Variants in SLC16A12 observed in about 807,000 individuals in gnomAD.
SLC16A12 encodes monocarboxylate transporter 12.
Under a neutral mutation model 42.4 loss-of-function variants are expected in SLC16A12, and 17 were observed. That is an observed-to-expected ratio of 0.40 (90% CI 0.27 to 0.60). The LOEUF is 0.60. Ranked by LOEUF, SLC16A12 falls within the 20% of genes least tolerant of loss-of-function variation. The pLI is 0.42. For synonymous variants in SLC16A12, 224 were observed against 229.4 expected (o/e 0.98, Z 0.21); for missense variants, 544 against 623.0 (o/e 0.87, Z 1.35).
At chr10:89,539,283 C>A (rs1266165042), upstream of SLC16A12, among the ~76,000 whole-genome samples, 1 of 152,182 alleles carries the variant, frequency 6.6e-6, no homozygotes, top group Non-Finnish European at 1.5e-5. Flanking sequence ...GTCAGCTGAT[C>A]TGGTACCTCC....
intron 2 of SLC16A12, among the ~76,000 whole-genome samples, chr10:89,487,629 C>T (rs1253580070): frequency 6.8e-6 from 1 of 146,888 alleles, no homozygotes; most frequent in Non-Finnish European, 1.5e-5. Context: ...GGAGAAACCC[C>T]ACTTTTACTA....
chr10:89,486,656 AAAGAAAG>A (rs1842756375), intron 2 of SLC16A12, among the ~76,000 whole-genome samples: 1 of 115,370 alleles, frequency 8.7e-6, no homozygotes, highest in Admixed American at 7.9e-5. Context: ...AGAAAGAAAG[AAAGAAAG>A]AAAAGAAAGA....
intron 2 of SLC16A12, among the ~76,000 whole-genome samples, chr10:89,495,833 A>G (rs1244486939): frequency 6.6e-6 from 1 of 152,210 alleles, no homozygotes; most frequent in Non-Finnish European, 1.5e-5. Context: ...TTGTCTTACT[A>G]CATATCACTA....
intron 2 of SLC16A12, among the ~76,000 whole-genome samples, chr10:89,479,479 A>G (rs1287229990): frequency 2.0e-5 from 3 of 152,194 alleles, no homozygotes; most frequent in Non-Finnish European, 2.9e-5. Flanking sequence ...TTGCAACCCT[A>G]CTTGGCTAGT....
At chr10:89,476,126 T>G (rs303201) in intron 2 of SLC16A12, among the ~76,000 whole-genome samples, 77,170 of 152,038 alleles carry the variant, frequency 0.51, 19,867 homozygotes, top group Non-Finnish European at 0.54. Context: ...GTGCCTTGTA[T>G]AACTCTTTTA....
intron 3 of SLC16A12, among the ~76,000 whole-genome samples, chr10:89,450,092 T>C (rs1207530536): frequency 6.6e-6 from 1 of 152,178 alleles, no homozygotes; most frequent in East Asian, 1.9e-4. Flanking sequence ...ATGGCCATCA[T>C]TAAAAAGTCA....
At chr10:89,460,335 C>A (rs1432436549) in intron 3 of SLC16A12, among the ~76,000 whole-genome samples, 4 of 152,106 alleles carry the variant, frequency 2.6e-5, no homozygotes, top group Non-Finnish European at 5.9e-5. Flanking sequence ...ATAATCTAGA[C>A]TTCTTAATGT....
chr10:89,435,149 G>T (rs1841757617), intron 7 of SLC16A12, among the ~76,000 whole-genome samples: 1 of 152,176 alleles, frequency 6.6e-6, no homozygotes, highest in Non-Finnish European at 1.5e-5. Flanking sequence ...TTTATATGAT[G>T]ATTCCCAAAT....
upstream of SLC16A12, among the ~76,000 whole-genome samples, chr10:89,540,273 A>G (rs564309447): frequency 2.2e-4 from 33 of 151,708 alleles, 1 homozygote; most frequent in South Asian, 6.9e-3. Context: ...TAGTTTTTGT[A>G]TTTTTTGTAG....
intron 4 of SLC16A12, 138 bp from the exon 5 acceptor site, chr10:89,441,389 G>T: frequency 9.5e-7 from 1 of 1,058,122 alleles, no homozygotes; most frequent in Non-Finnish European, 1.4e-6. Flanking sequence ...GGAAACTGAG[G>T]CCCAGAGAAA....
chr10:89,554,095 A>AGAAGGAAGGAAGGAAGGAAG (rs1564607178), intron 2 of SLC16A12, among the ~76,000 whole-genome samples: 4 of 25,580 alleles, frequency 1.6e-4, no homozygotes, highest in African/African-American at 7.4e-4. Flanking sequence ...AAAGAAAGAA[A>AGAAGGAAGGAAGGAAGGAAG]GAAAGAAGGA....
intron 2 of SLC16A12, among the ~76,000 whole-genome samples, chr10:89,470,892 C>G (rs1041132141): frequency 4.3e-5 from 6 of 138,162 alleles, no homozygotes; most frequent in Non-Finnish European, 9.6e-5. Context: ...GGCCTGCTTG[C>G]TAACCACCTC....
chr10:89,486,433 T>C (rs986864406), intron 2 of SLC16A12, among the ~76,000 whole-genome samples: 4 of 150,136 alleles, frequency 2.7e-5, no homozygotes, highest in African/African-American at 7.3e-5. Flanking sequence ...CTACGAAATA[T>C]AGAAAAAAAT....
intron 2 of SLC16A12, among the ~76,000 whole-genome samples, chr10:89,510,135 ATATCGTGAAAATGGCCATACAGCCC>A (rs1843140424): frequency 1.3e-5 from 2 of 152,362 alleles, no homozygotes; most frequent in Admixed American, 1.3e-4. Context: ...GGAAGGATCA[ATATCGTGAAAATGGCCATACAGCCC>A]AAAGTAATTT....
chr10:89,521,591 ACC>A (rs1360481155), intron 2 of SLC16A12, among the ~76,000 whole-genome samples: 2 of 151,818 alleles, frequency 1.3e-5, no homozygotes, highest in African/African-American at 4.8e-5. Context: ...CATGACCCTC[ACC>A]CCCACATGTC....
At chr10:89,463,959 T>C (rs1250795174) in intron 2 of SLC16A12, among the ~76,000 whole-genome samples, 1 of 152,162 alleles carries the variant, frequency 6.6e-6, no homozygotes, top group African/African-American at 2.4e-5. Context: ...GTGACTTGCT[T>C]CTACCCAACA....
At position 89,495,868 on chromosome 10, in the gene SLC16A12, A is replaced by C. The variant is rs75053875; in HGVS notation, c.-46-33244T>G. Among the ~76,000 whole-genome samples, 446 of 152,314 alleles carry C rather than the reference A, an allele frequency of 2.9e-3. 13 individuals carry two copies. In the East Asian group the frequency reaches 0.069, roughly 23 times the overall value. ...AGCTCAAAAAAAGATCAAAAATCAA[A>C]ATGTGAAAAACAGTTTCTACTGAAT... On this transcript the variant is annotated intron_variant, in intron 2 of 7. Transcript: ENST00000371790.
chr10:89,520,667 TAGA>T (rs1173744155), intron 2 of SLC16A12, among the ~76,000 whole-genome samples: 3 of 132,934 alleles, frequency 2.3e-5, no homozygotes, highest in Non-Finnish European at 4.6e-5. Flanking sequence ...CCCTGGCAGA[TAGA>T]AGAACTGTCC....
chr10:89,524,500 C>T (rs1331897329), intron 2 of SLC16A12, among the ~76,000 whole-genome samples: 1 of 152,184 alleles, frequency 6.6e-6, no homozygotes, highest in African/African-American at 2.4e-5. Context: ...AGCGCTTTTG[C>T]ACCTGTTGCT....
Sources: allele counts gnomAD v4.1 joint callset (sites outside exome capture counted in the v4.1 genomes callset), GRCh38; gene constraint gnomAD v4.1.1; transcripts MANE v1.5; gene names NCBI Gene and HGNC (gene_info 2026-07-23, HGNC 2026-07-21).